CNTN5: variants seen among roughly 807,000 people sequenced by gnomAD.
CNTN5 encodes the protein contactin-5.
A neutral mutation model predicts 129.1 loss-of-function variants in CNTN5; 77 were observed. The observed-to-expected ratio is 0.60, with a 90% CI of 0.50 to 0.72. The LOEUF is 0.72. Ranked by LOEUF, CNTN5 falls within the 30% of genes least tolerant of loss-of-function variation. CNTN5 has a pLI of 0.00. For missense variants in CNTN5, 1,478 were observed against 1,328.8 expected, an observed-to-expected ratio of 1.11 and a Z score of -1.75; for synonymous variants, 509 against 465.6, an observed-to-expected ratio of 1.09 and a Z score of -1.20.
chr11:100,276,958 C>T lies in CNTN5; in HGVS notation c.2314+5717C>T, dbSNP rs75012635. ...TCCATTAACCATCTTCCCTTCCCCC[C>T]AACCCCCACTACCAACTACACTTCC... On this transcript the variant is annotated intron_variant, in intron 18 of 24. Coordinates refer to ENST00000524871, the MANE Select transcript of CNTN5 (RefSeq NM_014361.4). Among the ~76,000 whole-genome samples, 52 of 152,106 alleles carry T rather than the reference C, an allele frequency of 3.4e-4. No homozygotes were observed. The East Asian group carries it at 7.5e-3, about 22-fold the overall frequency.
At chr11:99,164,788 T>TATGTGTGTGC (rs1462765106) in intron 1 of CNTN5, among the ~76,000 whole-genome samples, 1 of 152,212 alleles carries the variant, frequency 6.6e-6, no homozygotes, top group African/African-American at 2.4e-5. Context: ...TGAGTATGAT[T>TATGTGTGTGC]ATGTGTGTGC....
At chr11:99,667,326 T>C (rs1044123401) in intron 3 of CNTN5, among the ~76,000 whole-genome samples, 4 of 152,168 alleles carry the variant, frequency 2.6e-5, no homozygotes, top group Non-Finnish European at 5.9e-5. Flanking sequence ...GCTTTTCAGC[T>C]GTTTACTAAA....
At chr11:99,673,379 G>T (rs1449758817) in intron 3 of CNTN5, among the ~76,000 whole-genome samples, 1 of 152,148 alleles carries the variant, frequency 6.6e-6, no homozygotes, top group Non-Finnish European at 1.5e-5. Flanking sequence ...ATTATACAGA[G>T]TCATGGTACG....
intron 16 of CNTN5, among the ~76,000 whole-genome samples, chr11:100,229,629 C>T (rs1949450022): frequency 6.6e-6 from 1 of 152,158 alleles, no homozygotes; most frequent in Non-Finnish European, 1.5e-5. Context: ...GAAAATAAAG[C>T]TCAGTGAAAA....
At chr11:99,403,725 ATAT>A (rs1311611094) in intron 2 of CNTN5, among the ~76,000 whole-genome samples, 1 of 152,102 alleles carries the variant, frequency 6.6e-6, no homozygotes, top group Non-Finnish European at 1.5e-5. Flanking sequence ...AAGATCCTTA[ATAT>A]TATTTCAATT....
chr11:99,085,836 C>A (rs944806595), intron 1 of CNTN5, among the ~76,000 whole-genome samples: 1 of 152,088 alleles, frequency 6.6e-6, no homozygotes, highest in Non-Finnish European at 1.5e-5. Context: ...AAAATTCCCC[C>A]CTCCTAGTGA....
At chr11:99,425,683 G>A (rs938687261) in intron 2 of CNTN5, among the ~76,000 whole-genome samples, 1 of 152,256 alleles carries the variant, frequency 6.6e-6, no homozygotes, top group Non-Finnish European at 1.5e-5. Context: ...AGCTTTCAAG[G>A]GCAGGGGTTG....
At chr11:99,512,052 A>G (rs1342703892) in intron 2 of CNTN5, among the ~76,000 whole-genome samples, 1 of 152,108 alleles carries the variant, frequency 6.6e-6, no homozygotes, top group African/African-American at 2.4e-5. Flanking sequence ...CTAAATGCAC[A>G]GTGTTTATAA....
At chr11:99,270,732 T>A (rs1863132900) in intron 1 of CNTN5, among the ~76,000 whole-genome samples, 1 of 152,006 alleles carries the variant, frequency 6.6e-6, no homozygotes, top group Non-Finnish European at 1.5e-5. Flanking sequence ...ACCGACATGC[T>A]GTCATTCATG....
At chr11:99,975,076 G>A (rs964432489) in intron 8 of CNTN5, among the ~76,000 whole-genome samples, 56 of 152,184 alleles carry the variant, frequency 3.7e-4, no homozygotes, top group African/African-American at 1.3e-3. Flanking sequence ...GGCCATTGCC[G>A]CAGGCCCTTC....
At chr11:99,205,640 A>G (rs1477995752) in intron 1 of CNTN5, among the ~76,000 whole-genome samples, 3 of 152,184 alleles carry the variant, frequency 2.0e-5, no homozygotes, top group Non-Finnish European at 4.4e-5. Context: ...AAATTTGCAA[A>G]GAAATTATAC....
chr11:100,292,532 A>G (rs906976788), intron 18 of CNTN5, among the ~76,000 whole-genome samples: 5 of 151,980 alleles, frequency 3.3e-5, no homozygotes, highest in African/African-American at 9.7e-5. Flanking sequence ...GTATTCTAGA[A>G]AACTCCGAAA....
chr11:99,368,450 T>A (rs1939599950), intron 2 of CNTN5, among the ~76,000 whole-genome samples: 1 of 151,452 alleles, frequency 6.6e-6, no homozygotes, highest in African/African-American at 2.4e-5. Context: ...GAGACCAGCC[T>A]GGACAACATA....
chr11:100,314,602 TTG>T (rs1260108019), intron 21 of CNTN5, among the ~76,000 whole-genome samples: 1 of 152,176 alleles, frequency 6.6e-6, no homozygotes, highest in Non-Finnish European at 1.5e-5. Flanking sequence ...TGGAACCTAT[TTG>T]TGATTCACTT....
chr11:99,379,229 C>A (rs540601509), intron 2 of CNTN5, among the ~76,000 whole-genome samples: 1 of 147,636 alleles, frequency 6.8e-6, no homozygotes. Context: ...TAATACCTGA[C>A]ATCTACTAAA....
rs189067223 is a variant in CNTN5 at position 99,596,009 on chromosome 11, C to T, written c.55+39740C>T. Among the ~76,000 whole-genome samples the T allele has an allele frequency of 2.5e-3, 381 of 152,120 alleles. 2 individuals are homozygous for T. The highest frequency in any genetic ancestry group is 8.1e-3 in the African/African-American group (335 of 41,490). On this transcript the variant is annotated intron_variant, in intron 3 of 24. Transcript: ENST00000524871. ...CCGAAATTTGCATTTCAGCAAGATCCCCCTGATTCAAGACACGCTTTAAAG... is the reference window on the plus strand; with the variant it reads ...CCGAAATTTGCATTTCAGCAAGATCTCCCTGATTCAAGACACGCTTTAAAG...
At chr11:99,698,088 G>T (rs1257442774) in intron 3 of CNTN5, among the ~76,000 whole-genome samples, 6 of 143,674 alleles carry the variant, frequency 4.2e-5, no homozygotes, top group Non-Finnish European at 7.8e-5. Flanking sequence ...TCTGAAATAA[G>T]ATTTTTTTTT....
At chr11:100,099,216 A>G (rs958028313) in intron 13 of CNTN5, among the ~76,000 whole-genome samples, 2 of 152,142 alleles carry the variant, frequency 1.3e-5, no homozygotes, top group African/African-American at 4.8e-5. Context: ...AAGTTCACAC[A>G]GAAAGTTAAA....
intron 2 of CNTN5, among the ~76,000 whole-genome samples, chr11:99,497,130 TA>T (rs1565232156): frequency 1.3e-5 from 2 of 152,074 alleles, no homozygotes; most frequent in Non-Finnish European, 2.9e-5. Context: ...GAAAGCATTC[TA>T]AAAAAGAAGT....
Sources: allele counts gnomAD v4.1 joint callset (sites outside exome capture counted in the v4.1 genomes callset), GRCh38; gene constraint gnomAD v4.1.1; transcripts MANE v1.5; gene names NCBI Gene and HGNC (gene_info 2026-07-23, HGNC 2026-07-21).